The following SORCS3 variants were observed in gnomAD, a reference collection of about 807,000 sequenced individuals.
SORCS3 encodes sortilin related VPS10 domain containing receptor 3.
Under a neutral mutation model 146.3 loss-of-function variants are expected in SORCS3, and 57 were observed. The ratio of observed to expected loss-of-function variants is 0.39; its 90% CI spans 0.31 to 0.49. SORCS3 has a LOEUF of 0.49. Ranked by LOEUF, SORCS3 falls within the 20% of genes least tolerant of loss-of-function variation. The pLI, the probability that SORCS3 is intolerant of heterozygous loss-of-function variation, is 0.92. For missense variants in SORCS3, 1,341 were observed against 1,575.5 expected, an observed-to-expected ratio of 0.85 and a Z score of 2.52; for synonymous variants, 653 against 618.5, an observed-to-expected ratio of 1.06 and a Z score of -0.83.
intron 23 of SORCS3, 89 bp from the exon 24 acceptor site, chr10:105,255,613 A>G: frequency 1.2e-6 from 1 of 820,832 alleles, no homozygotes; most frequent in Non-Finnish European, 2.0e-6. Context: ...GTGACTTTTT[A>G]CCTATTGACC....
At chr10:105,189,557 C>T (rs1306290797) in intron 14 of SORCS3, among the ~76,000 whole-genome samples, 1 of 152,168 alleles carries the variant, frequency 6.6e-6, no homozygotes, top group Non-Finnish European at 1.5e-5. Context: ...TCCTAGTTAA[C>T]TGCAGTCCTG....
intron 5 of SORCS3, among the ~76,000 whole-genome samples, chr10:105,047,431 A>C (rs1670036): frequency 0.021 from 3,223 of 152,176 alleles, 50 homozygotes; most frequent in Non-Finnish European, 0.029. Context: ...CTCTTGAAAG[A>C]ATTAGGTCCC....
At position 105,217,151 on chromosome 10, in the gene SORCS3, C is replaced by T. The variant is rs184108498; in HGVS notation, c.2734+29C>T. 3.3e-4 allele frequency: 529 copies of T among 1,610,080 alleles called. 1 individual carries two copies. The African/African-American group carries it at 6.2e-3, about 19-fold the overall frequency. ...AGTAGGAGGCACCATCCCCGTTTTC[C>T]CTTTGTTCCCAGTTGGCAACTTGCT... On this transcript the variant is annotated intron_variant, in intron 19 of 26. Coordinates refer to ENST00000369701, the MANE Select transcript of SORCS3 (RefSeq NM_014978.3).
intron 1 of SORCS3, among the ~76,000 whole-genome samples, chr10:104,837,661 A>T (rs1420619746): frequency 6.6e-6 from 1 of 152,204 alleles, no homozygotes; most frequent in Non-Finnish European, 1.5e-5. Context: ...AAAGAAAACA[A>T]AAGTTATCTT....
chr10:104,694,061 C>A (rs1354730257), intron 1 of SORCS3, among the ~76,000 whole-genome samples: 1 of 151,598 alleles, frequency 6.6e-6, no homozygotes, highest in Non-Finnish European at 1.5e-5. Flanking sequence ...AAAAACAGAG[C>A]CTTGATTTGC....
intron 19 of SORCS3, among the ~76,000 whole-genome samples, chr10:105,222,353 C>T (rs549507008): frequency 3.3e-5 from 5 of 152,118 alleles, no homozygotes; most frequent in African/African-American, 4.8e-5. Context: ...CCACCGCGCC[C>T]GGCCGCATTA....
intron 4 of SORCS3, among the ~76,000 whole-genome samples, chr10:105,005,835 A>G (rs2055091847): frequency 6.6e-6 from 1 of 152,288 alleles, no homozygotes. Context: ...TAGCTACTTG[A>G]TATCTCAACA....
intron 20 of SORCS3, among the ~76,000 whole-genome samples, chr10:105,233,506 A>G (rs982623140): frequency 6.6e-6 from 1 of 152,086 alleles, no homozygotes; most frequent in Non-Finnish European, 1.5e-5. Flanking sequence ...TGCTGCACCC[A>G]TCAACCTGTC....
intron 3 of SORCS3, among the ~76,000 whole-genome samples, chr10:104,976,125 C>T (rs1230054716): frequency 1.3e-5 from 2 of 152,168 alleles, no homozygotes; most frequent in African/African-American, 2.4e-5. Context: ...GAACAGGCAA[C>T]CCACACAATG....
chr10:105,156,428 T>G (rs530700840), intron 9 of SORCS3, among the ~76,000 whole-genome samples: 1 of 152,210 alleles, frequency 6.6e-6, no homozygotes, highest in East Asian at 1.9e-4. Flanking sequence ...CGGCTTGTTT[T>G]GTGGTGATGC....
At chr10:104,688,541 A>G (rs1290662925) in intron 1 of SORCS3, among the ~76,000 whole-genome samples, 1 of 152,184 alleles carries the variant, frequency 6.6e-6, no homozygotes, top group Non-Finnish European at 1.5e-5. Context: ...TTTCTTCTTG[A>G]AAGAAGCAGC....
chr10:104,922,504 G>C (rs891341036), intron 3 of SORCS3, among the ~76,000 whole-genome samples: 1 of 152,172 alleles, frequency 6.6e-6, no homozygotes, highest in Non-Finnish European at 1.5e-5. Flanking sequence ...TGTGGGCCAG[G>C]TAGAGACTTG....
intron 16 of SORCS3, among the ~76,000 whole-genome samples, chr10:105,208,370 T>C (rs1273173479): frequency 6.8e-6 from 1 of 147,414 alleles, no homozygotes; most frequent in Non-Finnish European, 1.5e-5. Flanking sequence ...AAAAGAGAAA[T>C]AAGAGATCCA....
intron 3 of SORCS3, among the ~76,000 whole-genome samples, chr10:104,976,460 G>T (rs922910814): frequency 1.3e-5 from 2 of 152,158 alleles, no homozygotes. Flanking sequence ...TACACTGTTG[G>T]GGGGACTGTA....
intron 9 of SORCS3, among the ~76,000 whole-genome samples, chr10:105,148,812 G>A (rs1053934984): frequency 7.9e-5 from 12 of 151,952 alleles, no homozygotes; most frequent in African/African-American, 2.9e-4. Flanking sequence ...GCCCTAAATT[G>A]GTATCTAAGT....
At chr10:104,956,836 A>C (rs911669721) in intron 3 of SORCS3, among the ~76,000 whole-genome samples, 1 of 152,152 alleles carries the variant, frequency 6.6e-6, no homozygotes, top group Non-Finnish European at 1.5e-5. Flanking sequence ...AGGTGATGAG[A>C]TTCCATTAAG....
At chr10:104,915,801 C>A (rs1357314035) in intron 2 of SORCS3, 32 bp from the exon 3 acceptor site, 6 of 1,582,624 alleles carry the variant, frequency 3.8e-6, no homozygotes, top group East Asian at 2.2e-5. Flanking sequence ...GTAAAATGAT[C>A]TCTCCCTCTC....
intron 1 of SORCS3, among the ~76,000 whole-genome samples, chr10:104,841,935 T>C (rs1346396911): frequency 6.6e-6 from 1 of 152,200 alleles, no homozygotes; most frequent in Non-Finnish European, 1.5e-5. Context: ...GTGCACGCAC[T>C]TAGCATCCTT....
intron 11 of SORCS3, among the ~76,000 whole-genome samples, chr10:105,163,646 G>C (rs2056285577): frequency 6.6e-6 from 1 of 152,118 alleles, no homozygotes; most frequent in Non-Finnish European, 1.5e-5. Flanking sequence ...AAAAAGAAGG[G>C]CAGAGAGGAG....
Sources: allele counts gnomAD v4.1 joint callset (sites outside exome capture counted in the v4.1 genomes callset), GRCh38; gene constraint gnomAD v4.1.1; transcripts MANE v1.5; gene names NCBI Gene and HGNC (gene_info 2026-07-23, HGNC 2026-07-21).